The following PDE3B variants were observed in gnomAD, a reference collection of about 807,000 sequenced individuals.
The protein encoded by PDE3B is phosphodiesterase 3B, also known as cGMP-inhibited 3',5'-cyclic phosphodiesterase 3B.
A neutral mutation model predicts 116.8 loss-of-function variants in PDE3B; 66 were observed. That is an observed-to-expected ratio of 0.56 (90% confidence interval 0.46 to 0.69). The LOEUF (loss-of-function observed/expected upper bound fraction) is 0.69, where lower values mean the gene tolerates loss of function less well. Ranked by LOEUF, PDE3B falls within the 30% of genes least tolerant of loss-of-function variation. The pLI, the probability that PDE3B is intolerant of heterozygous loss-of-function variation, is 0.00. For missense variants in PDE3B, 1,384 were observed against 1,368.1 expected, an observed-to-expected ratio of 1.01 and a Z score of -0.18; for synonymous variants, 595 against 533.6, an observed-to-expected ratio of 1.12 and a Z score of -1.59.
intron 1 of PDE3B, among the ~76,000 whole-genome samples, chr11:14,713,317 C>T (rs377216751): frequency 2.6e-5 from 4 of 152,068 alleles, no homozygotes; most frequent in South Asian, 4.1e-4. Flanking sequence ...CACTGGATCA[C>T]GGGATGACCA....
chr11:14,663,658 CAA>C (rs1030246190), intron 1 of PDE3B, among the ~76,000 whole-genome samples: 7 of 152,132 alleles, frequency 4.6e-5, no homozygotes, highest in African/African-American at 1.7e-4. Context: ...CAACAAAGAT[CAA>C]AAGAGACAAA....
chr11:14,765,163 T>G (rs1857461861), intron 1 of PDE3B, among the ~76,000 whole-genome samples: 1 of 152,054 alleles, frequency 6.6e-6, no homozygotes, highest in Non-Finnish European at 1.5e-5. Flanking sequence ...AAGTAAAATG[T>G]CATCAAGAAA....
At chr11:14,807,205 A>G (rs1858964742) in intron 5 of PDE3B, among the ~76,000 whole-genome samples, 2 of 152,192 alleles carry the variant, frequency 1.3e-5, no homozygotes, top group Non-Finnish European at 2.9e-5. Context: ...GTGTATACCT[A>G]TGTAGCAAAC....
At chr11:14,801,035 T>A (rs1394549469) in intron 4 of PDE3B, among the ~76,000 whole-genome samples, 1 of 152,136 alleles carries the variant, frequency 6.6e-6, no homozygotes, top group African/African-American at 2.4e-5. Context: ...CACTGATTAT[T>A]CTAGTTAGCA....
At chr11:14,727,467 G>C (rs536541595) in intron 1 of PDE3B, among the ~76,000 whole-genome samples, 3 of 152,190 alleles carry the variant, frequency 2.0e-5, no homozygotes, top group Admixed American at 1.3e-4. Flanking sequence ...AGCTTTTGCT[G>C]TTAGCCACCA....
At chr11:14,834,941 T>G (rs1860007824) in intron 10 of PDE3B, 41 bp from the exon 11 acceptor site, 3 of 1,043,990 alleles carry the variant, frequency 2.9e-6, no homozygotes, top group Non-Finnish European at 4.4e-6. Context: ...TTTTAAATGT[T>G]GTGTGTTAAA....
At chr11:14,832,895 A>G in intron 10 of PDE3B, 62 bp downstream of exon 10, 1 of 725,192 alleles carries the variant, frequency 1.4e-6, no homozygotes, top group Non-Finnish European at 2.4e-6. Flanking sequence ...ACTCTTTATC[A>G]TCTTTCTCTT....
chr11:14,703,501 T>C (rs1565098883), intron 1 of PDE3B, among the ~76,000 whole-genome samples: 1 of 151,640 alleles, frequency 6.6e-6, no homozygotes, highest in Non-Finnish European at 1.5e-5. Context: ...GCTGGGGTTA[T>C]TATGTCCTTT....
intron 2 of PDE3B, among the ~76,000 whole-genome samples, chr11:14,785,766 G>A (rs750906475): frequency 6.6e-6 from 1 of 151,748 alleles, no homozygotes; most frequent in Non-Finnish European, 1.5e-5. Flanking sequence ...TGTCTGTGAG[G>A]TTTTTGTTAA....
At chr11:14,821,916 T>TC (rs1165638470) in intron 7 of PDE3B, among the ~76,000 whole-genome samples, 16 of 151,700 alleles carry the variant, frequency 1.1e-4, no homozygotes, top group Admixed American at 4.6e-4. Flanking sequence ...TTTTTTTTTT[T>TC]TTTTTTGAGA....
At chr11:14,722,273 C>T (rs1048025302) in intron 1 of PDE3B, among the ~76,000 whole-genome samples, 5 of 151,532 alleles carry the variant, frequency 3.3e-5, no homozygotes, top group Non-Finnish European at 4.4e-5. Context: ...AACAAACCTG[C>T]ACGTTGTGCA....
At chr11:14,760,013 A>G (rs1857310717) in intron 1 of PDE3B, among the ~76,000 whole-genome samples, 2 of 152,208 alleles carry the variant, frequency 1.3e-5, no homozygotes, top group African/African-American at 4.8e-5. Context: ...CTTACATAAT[A>G]GAGATTCTCA....
rs1565089724 is a variant in PDE3B at position 14,681,784 on chromosome 11, T to A, written c.978+36731T>A. On this transcript the variant is annotated intron_variant, in intron 1 of 15. Coordinates refer to ENST00000282096, the MANE Select transcript of PDE3B (RefSeq NM_000922.4). Reference sequence around the variant, plus strand: ...GATGTTGCTGAATTCACTTATTAGTTCTAGAAGCATTTTTCATAGAGTTCT... The same window carrying A: ...GATGTTGCTGAATTCACTTATTAGTACTAGAAGCATTTTTCATAGAGTTCT... Among the ~76,000 whole-genome samples the A allele has an allele frequency of 2.0e-5, 3 of 152,270 alleles. No homozygotes were observed. The East Asian group carries it at 5.8e-4, about 29-fold the overall frequency.
intron 1 of PDE3B, among the ~76,000 whole-genome samples, chr11:14,723,452 T>G (rs1006813004): frequency 6.6e-6 from 1 of 152,126 alleles, no homozygotes. Context: ...CTGAGATCCT[T>G]TAATAAAAGC....
the PDE3B span, chr11:14,892,236 C>G: frequency 1.7e-5 from 27 of 1,594,716 alleles, 1 homozygote; most frequent in South Asian, 2.9e-4. Context: ...AACTCCACAG[C>G]AGCCCTGAGA....
chr11:14,845,787 G>C (rs903872188), intron 12 of PDE3B, among the ~76,000 whole-genome samples: 24 of 152,118 alleles, frequency 1.6e-4, no homozygotes, highest in African/African-American at 4.8e-4. Flanking sequence ...GAAGTTTAGA[G>C]AACAAAGAAT....
At chr11:14,656,908 G>C (rs1853730967) in intron 1 of PDE3B, among the ~76,000 whole-genome samples, 1 of 151,998 alleles carries the variant, frequency 6.6e-6, no homozygotes. Flanking sequence ...TCTTGGGACT[G>C]GTATTAAGCA....
chr11:14,688,673 A>G lies in PDE3B; in HGVS notation c.978+43620A>G, dbSNP rs920032179. Among the ~76,000 whole-genome samples, 8 of 151,966 alleles carry G rather than the reference A, an allele frequency of 5.3e-5. No homozygotes were observed. In the East Asian group the frequency reaches 1.5e-3, roughly 29 times the overall value. ...ACTCAGCCATTCACTTTTTATTTCT[A>G]ATTTTGGTGTCTTTGTGTAGGTCAC... On this transcript the variant is annotated intron_variant, in intron 1 of 15. Coordinates refer to ENST00000282096, the MANE Select transcript of PDE3B (RefSeq NM_000922.4).
At position 14,684,971 on chromosome 11, in the gene PDE3B, A is replaced by G. The variant is rs142771136; in HGVS notation, c.978+39918A>G. On this transcript the variant is annotated intron_variant, in intron 1 of 15. Transcript: ENST00000282096. ...GTTCAAACACACATGTTTTATAATC[A>G]ATTTGTACAGTTAACACAATAGTGG... Among the ~76,000 whole-genome samples the G allele has an allele frequency of 6.0e-4, 91 of 152,190 alleles. 1 individual carries two copies. In the East Asian group the frequency reaches 0.017, roughly 28 times the overall value.
Sources: gnomAD v4.1 joint callset for allele counts (sites outside exome capture counted in the v4.1 genomes callset) on GRCh38, gnomAD v4.1.1 for gene constraint, MANE v1.5 for transcripts, NCBI Gene and HGNC (gene_info 2026-07-23, HGNC 2026-07-21) for gene names.